SLC1A1: variants seen among roughly 807,000 people sequenced by gnomAD.
SLC1A1 encodes the protein solute carrier family 1 member 1.
Under a neutral mutation model 53.3 loss-of-function variants are expected in SLC1A1, and 43 were observed. That is an observed-to-expected ratio of 0.81 (90% CI 0.63 to 1.04). The LOEUF is 1.04. Ranked by LOEUF, SLC1A1 falls within the 50% of genes least tolerant of loss-of-function variation. The pLI is 0.00. For synonymous variants in SLC1A1, 307 were observed against 243.2 expected (o/e 1.26, Z -2.44); for missense variants, 748 against 664.9 (o/e 1.12, Z -1.37).
intron 1 of SLC1A1, among the ~76,000 whole-genome samples, chr9:4,505,427 G>A (rs868486123): frequency 2.0e-5 from 3 of 152,028 alleles, no homozygotes; most frequent in East Asian, 3.8e-4. Context: ...AGTTTGTCCT[G>A]ACCACACATA....
At chr9:4,536,599 T>G (rs1296370360) in intron 1 of SLC1A1, among the ~76,000 whole-genome samples, 1 of 152,240 alleles carries the variant, frequency 6.6e-6, no homozygotes, top group African/African-American at 2.4e-5. Context: ...TTGGTGGGAC[T>G]GTAAACCAGT....
chr9:4,566,703 A>AT (rs1285826333), intron 5 of SLC1A1, among the ~76,000 whole-genome samples: 27 of 152,176 alleles, frequency 1.8e-4, no homozygotes, highest in African/African-American at 4.8e-4. Flanking sequence ...AATTTAAAAA[A>AT]AAATATAAAA....
At chr9:4,531,288 A>T (rs1370290813) in intron 1 of SLC1A1, among the ~76,000 whole-genome samples, 2 of 152,232 alleles carry the variant, frequency 1.3e-5, no homozygotes, top group Non-Finnish European at 2.9e-5. Flanking sequence ...ACAAGGGGTC[A>T]GGGAATTCCC....
At chr9:4,554,567 G>A (rs1435206375) in intron 2 of SLC1A1, among the ~76,000 whole-genome samples, 2 of 152,192 alleles carry the variant, frequency 1.3e-5, no homozygotes, top group African/African-American at 4.8e-5. Flanking sequence ...TCCAGGCAGA[G>A]GGAAGAGCCT....
At chr9:4,493,354 G>A (rs770865096) in intron 1 of SLC1A1, among the ~76,000 whole-genome samples, 1 of 152,126 alleles carries the variant, frequency 6.6e-6, no homozygotes, top group African/African-American at 2.4e-5. Context: ...AGTCTGTAAG[G>A]GCTGATTTGT....
At chr9:4,530,867 C>T (rs990203866) in intron 1 of SLC1A1, among the ~76,000 whole-genome samples, 2 of 152,138 alleles carry the variant, frequency 1.3e-5, no homozygotes, top group African/African-American at 2.4e-5. Flanking sequence ...ACTTTCTTAC[C>T]TTAAAACTTA....
chr9:4,520,925 T>C (rs981245272), intron 1 of SLC1A1, among the ~76,000 whole-genome samples: 1 of 152,196 alleles, frequency 6.6e-6, no homozygotes, highest in Non-Finnish European at 1.5e-5. Flanking sequence ...CACCAACATA[T>C]ATCATTTTCT....
chr9:4,583,882 T>TCTCTCACACACACA lies in SLC1A1; in HGVS notation c.1328+711_1328+712insTCTCACACACACAC, dbSNP rs1423949414. Among the ~76,000 whole-genome samples, 10 of 136,968 alleles carry TCTCTCACACACACA rather than the reference T, an allele frequency of 7.3e-5. No individual in the cohort carries two copies. The highest frequency in any genetic ancestry group is 2.6e-4 in the African/African-American group (9 of 35,266). 89.9% of individuals were successfully genotyped at this position (136,968 alleles called of 152,430 possible). A position where few individuals can be genotyped will look rare whatever the true frequency, so the allele number is the denominator to read the frequency against. On this transcript the variant is annotated intron_variant, in intron 11 of 11. Transcript: ENST00000262352. This position sits in a 1 kb window ranked among gnomAD's most constrained non-coding sequence, Gnocchi z 4.6. ...CTCTCTCTCTCTCTCTCTCTCTCTC[T>TCTCTCACACACACA]CACACACACACACACACACACACAC...
At position 4,490,661 on chromosome 9, in the gene SLC1A1, C is replaced by A; in HGVS notation, c.-19C>A. 1.9e-6 allele frequency: 3 copies of A among 1,609,222 alleles called. No individual in the cohort carries two copies. Among genetic ancestry groups the A allele is most frequent in the Non-Finnish European group, 2.6e-6 (3 of 1,176,328 alleles). ...CACGCGCGCACGGCCGAGCCCAGCGCACAATAGCGGCGACAGCCATGGGGA... is the reference window on the plus strand; with the variant it reads ...CACGCGCGCACGGCCGAGCCCAGCGAACAATAGCGGCGACAGCCATGGGGA... On this transcript the variant is annotated 5_prime_UTR_variant, in exon 1 of 12. Coordinates refer to ENST00000262352, the MANE Select transcript of SLC1A1 (RefSeq NM_004170.6).
intron 1 of SLC1A1, among the ~76,000 whole-genome samples, chr9:4,540,012 T>C (rs569609743): frequency 6.6e-6 from 1 of 152,156 alleles, no homozygotes; most frequent in Non-Finnish European, 1.5e-5. Context: ...AGAACATACA[T>C]TCTTGTTTTC....
Position 4,526,645 on chromosome 9 carries a change from A to C in SLC1A1, c.92-17922A>C, listed in dbSNP as rs141626587. 3.0e-3 allele frequency among the ~76,000 whole-genome samples: 459 copies of C among 152,316 alleles called. 1 individual carries two copies. The highest frequency in any genetic ancestry group is 5.1e-3 in the Non-Finnish European group (346 of 68,026). ...GTTTATGTATTTTTACTTTTCATTGAAACATTTCAGAATACTCTTTCAAAG... is the reference window on the plus strand; with the variant it reads ...GTTTATGTATTTTTACTTTTCATTGCAACATTTCAGAATACTCTTTCAAAG... On this transcript the variant is annotated intron_variant, in intron 1 of 11. Transcript: ENST00000262352.
chr9:4,529,050 T>C (rs1473448484), intron 1 of SLC1A1, among the ~76,000 whole-genome samples: 2 of 152,144 alleles, frequency 1.3e-5, no homozygotes, highest in African/African-American at 4.8e-5. Flanking sequence ...TTCAGACATA[T>C]AATTTATCAC....
intron 10 of SLC1A1, 36 bp downstream of exon 10, chr9:4,576,799 T>A (rs770847366): frequency 6.4e-7 from 1 of 1,556,144 alleles, no homozygotes; most frequent in African/African-American, 1.4e-5. Context: ...TCATCACTGA[T>A]ACAGGGATTA....
At chr9:4,490,834 G>A in intron 1 of SLC1A1, 64 bp downstream of exon 1, 1 of 1,397,848 alleles carries the variant, frequency 7.2e-7, no homozygotes, top group Non-Finnish European at 1.0e-6. Context: ...CAGGCCGCGT[G>A]CGGCTGAGGG....
At chr9:4,582,732 C>T (rs932471481) in intron 10 of SLC1A1, among the ~76,000 whole-genome samples, 2 of 152,180 alleles carry the variant, frequency 1.3e-5, no homozygotes, top group Non-Finnish European at 2.9e-5. Context: ...CTCCTGCTTT[C>T]CTCTTGAGTA....
chr9:4,523,383 G>A (rs1046820263), intron 1 of SLC1A1, among the ~76,000 whole-genome samples: 1 of 150,654 alleles, frequency 6.6e-6, no homozygotes, highest in Non-Finnish European at 1.5e-5. Context: ...ATTTGTTCTC[G>A]TACCACTAAG....
intron 2 of SLC1A1, among the ~76,000 whole-genome samples, chr9:4,558,433 G>A (rs546006905): frequency 3.3e-5 from 5 of 152,100 alleles, no homozygotes; most frequent in Non-Finnish European, 7.4e-5. Context: ...GGATGGAGGT[G>A]GATTAGAGGA....
chr9:4,544,539 C>T (rs1564022447), intron 1 of SLC1A1, 28 bp from the exon 2 acceptor site: 3 of 1,609,284 alleles, frequency 1.9e-6, no homozygotes, highest in South Asian at 2.2e-5. Flanking sequence ...TGTTCCTCTT[C>T]CTTCTTTCCA....
Position 4,583,122 on chromosome 9 carries a change from G to T in SLC1A1, c.1278G>T (p.Val426=). 1 of 1,614,204 alleles carries T rather than the reference G, an allele frequency of 6.2e-7. No individual in the cohort carries two copies. Among genetic ancestry groups the T allele is most frequent in the Non-Finnish European group, 8.5e-7 (1 of 1,180,038 alleles). ...LVTMVIVLSA[V]GLPAEDVTLI... is the part of the protein sequence containing the mutation. Reference sequence around the variant, plus strand: ...CCATGGTGATTGTGCTGAGTGCCGTGGGCCTGCCCGCCGAGGATGTCACCC... The same window carrying T: ...CCATGGTGATTGTGCTGAGTGCCGTTGGCCTGCCCGCCGAGGATGTCACCC... The change falls in exon 11 of 12, where the codon GTG becomes GTT. Residue 426 remains valine, a synonymous_variant. Coordinates refer to ENST00000262352, the MANE Select transcript of SLC1A1 (RefSeq NM_004170.6). The surrounding 1 kb of genome is among the most constrained non-coding windows in gnomAD (Gnocchi z 4.6).
Sources: gnomAD v4.1 joint callset for allele counts (sites outside exome capture counted in the v4.1 genomes callset) on GRCh38, gnomAD v4.1.1 for gene constraint, Gnocchi (gnomAD v3.1) non-coding constraint, MANE v1.5 for transcripts, NCBI Gene and HGNC (gene_info 2026-07-23, HGNC 2026-07-21) for gene names.